Variants in SHANK2 observed in about 807,000 individuals in gnomAD.
The protein encoded by SHANK2 is SH3 and multiple ankyrin repeat domains 2.
Under a neutral mutation model 133.7 loss-of-function variants are expected in SHANK2, and 43 were observed. The observed-to-expected ratio is 0.32, with a 90% confidence interval of 0.25 to 0.41. The LOEUF (loss-of-function observed/expected upper bound fraction) is 0.41. Ranked by LOEUF, SHANK2 falls within the 10% of genes least tolerant of loss-of-function variation. The pLI is 1.00. For synonymous variants in SHANK2, 1,017 were observed against 952.8 expected, an observed-to-expected ratio of 1.07 and a Z score of -1.24; for missense variants, 1,994 against 2,235.8, an observed-to-expected ratio of 0.89 and a Z score of 2.18.
chr11:71,221,724 C>A (rs1954545050), intron 2 of SHANK2, among the ~76,000 whole-genome samples: 1 of 152,080 alleles, frequency 6.6e-6, no homozygotes, highest in African/African-American at 2.4e-5. Flanking sequence ...ACTAAATTAC[C>A]CCTCGAGGGC....
At chr11:70,496,525 T>G (rs2058973067) in intron 21 of SHANK2, among the ~76,000 whole-genome samples, 1 of 152,152 alleles carries the variant, frequency 6.6e-6, no homozygotes, top group Admixed American at 6.5e-5. Flanking sequence ...GAAGGAAAGG[T>G]GTCCTGGTCA....
intron 8 of SHANK2, among the ~76,000 whole-genome samples, chr11:71,087,604 G>A (rs1365987718): frequency 6.6e-6 from 1 of 152,100 alleles, no homozygotes; most frequent in Non-Finnish European, 1.5e-5. Flanking sequence ...GCGAGCTTCG[G>A]GTCCCATACG....
intron 14 of SHANK2, among the ~76,000 whole-genome samples, chr11:70,778,921 C>T (rs1364372612): frequency 1.3e-5 from 2 of 152,078 alleles, no homozygotes; most frequent in Non-Finnish European, 2.9e-5. Flanking sequence ...GGCCACTGTA[C>T]AAGGTGACTT....
intron 2 of SHANK2, among the ~76,000 whole-genome samples, chr11:71,201,854 C>T (rs1555117186): frequency 6.6e-6 from 1 of 152,172 alleles, no homozygotes; most frequent in Non-Finnish European, 1.5e-5. Context: ...TTCCTCCAGT[C>T]GCCCTGACCC....
chr11:70,554,601 T>C (rs1591573452), intron 17 of SHANK2, among the ~76,000 whole-genome samples: 1 of 152,046 alleles, frequency 6.6e-6, no homozygotes. Flanking sequence ...GAATCGGCTG[T>C]TATTTGTTGC....
intron 14 of SHANK2, among the ~76,000 whole-genome samples, chr11:70,721,026 C>T (rs782603224): frequency 1.2e-4 from 18 of 152,058 alleles, no homozygotes; most frequent in Admixed American, 2.6e-4. Flanking sequence ...GTGACCTGAG[C>T]CCGGGCTTCC....
At chr11:70,600,147 G>T (rs908558621) in intron 17 of SHANK2, among the ~76,000 whole-genome samples, 3 of 151,974 alleles carry the variant, frequency 2.0e-5, no homozygotes, top group African/African-American at 7.2e-5. Context: ...GAGCAGGCAC[G>T]GTGGCTCACA....
chr11:70,945,625 C>T (rs1395043703), intron 10 of SHANK2, among the ~76,000 whole-genome samples: 2 of 152,192 alleles, frequency 1.3e-5, no homozygotes, highest in African/African-American at 2.4e-5. Context: ...AGCCTTGACC[C>T]GCAGGTACCT....
chr11:70,799,126 G>T (rs1276165020), intron 13 of SHANK2, among the ~76,000 whole-genome samples: 1 of 151,824 alleles, frequency 6.6e-6, no homozygotes, highest in Non-Finnish European at 1.5e-5. Context: ...GTCTGGGCGC[G>T]GTGGCTCATG....
intron 2 of SHANK2, among the ~76,000 whole-genome samples, chr11:71,205,330 G>GA (rs1954107014): frequency 6.6e-6 from 1 of 152,176 alleles, no homozygotes; most frequent in Admixed American, 6.5e-5. Flanking sequence ...TCTCTGGTCA[G>GA]AGGGTACTGA....
intron 2 of SHANK2, among the ~76,000 whole-genome samples, chr11:71,178,604 C>A (rs1241410247): frequency 6.6e-6 from 1 of 152,204 alleles, no homozygotes; most frequent in East Asian, 1.9e-4. Context: ...CATTTTACAA[C>A]AATTTAAAAA....
At chr11:70,758,176 G>A (rs1259369321) in intron 14 of SHANK2, among the ~76,000 whole-genome samples, 1 of 152,226 alleles carries the variant, frequency 6.6e-6, no homozygotes, top group African/African-American at 2.4e-5. Flanking sequence ...GCACGGGGGA[G>A]GGACAATGAT....
At chr11:71,159,493 A>G (rs1195388511) in intron 2 of SHANK2, among the ~76,000 whole-genome samples, 14 of 152,242 alleles carry the variant, frequency 9.2e-5, no homozygotes, top group Non-Finnish European at 1.8e-4. Context: ...ACACATTCAG[A>G]GGTACCAGAG....
intron 15 of SHANK2, among the ~76,000 whole-genome samples, chr11:70,697,660 A>G (rs142222026): frequency 0.013 from 1,910 of 152,348 alleles, 20 homozygotes; most frequent in African/African-American, 0.034. Flanking sequence ...AAACAAATCA[A>G]TCAGCTAACC....
At chr11:70,603,009 A>T (rs1184779707) in intron 17 of SHANK2, among the ~76,000 whole-genome samples, 1 of 152,234 alleles carries the variant, frequency 6.6e-6, no homozygotes, top group African/African-American at 2.4e-5. Context: ...CAAAGAATGC[A>T]GGTGGCAAAT....
At chr11:71,212,512 A>G (rs1224244191) in intron 2 of SHANK2, among the ~76,000 whole-genome samples, 1 of 152,164 alleles carries the variant, frequency 6.6e-6, no homozygotes, top group Non-Finnish European at 1.5e-5. Flanking sequence ...CCCAGTGAGC[A>G]TCCATGTGCA....
intron 14 of SHANK2, among the ~76,000 whole-genome samples, chr11:70,765,852 T>G (rs573096486): frequency 6.6e-6 from 1 of 152,310 alleles, no homozygotes; most frequent in East Asian, 1.9e-4. Flanking sequence ...TTGAATGACA[T>G]TTTGTACCTT....
intron 14 of SHANK2, among the ~76,000 whole-genome samples, chr11:70,725,437 C>T (rs1555030408): frequency 1.3e-5 from 2 of 152,188 alleles, no homozygotes; most frequent in Admixed American, 6.5e-5. Context: ...TGCGGTGGCC[C>T]AGACCCGCTC....
At chr11:70,841,488 T>C (rs782346207) in intron 11 of SHANK2, among the ~76,000 whole-genome samples, 13 of 152,216 alleles carry the variant, frequency 8.5e-5, no homozygotes, top group Non-Finnish European at 1.6e-4. Context: ...GGCCAAGATG[T>C]GCTTGGGCTT....
Sources: allele counts gnomAD v4.1 joint callset (sites outside exome capture counted in the v4.1 genomes callset), GRCh38; gene constraint gnomAD v4.1.1; transcripts MANE v1.5; gene names NCBI Gene and HGNC (gene_info 2026-07-23, HGNC 2026-07-21).